THEM4: variants seen among roughly 807,000 people sequenced by gnomAD.
THEM4 encodes acyl-coenzyme A thioesterase THEM4.
THEM4 carries 22 observed loss-of-function variants against 25.0 expected under a neutral mutation model. The ratio of observed to expected loss-of-function variants is 0.88; its 90% CI spans 0.63 to 1.26. THEM4 has a LOEUF of 1.26. THEM4 is among the 50% of genes most tolerant of loss of function. The pLI is 0.00. For missense variants in THEM4, 286 were observed against 300.3 expected (o/e 0.95, Z 0.35); for synonymous variants, 113 against 105.6 (o/e 1.07, Z -0.43).
In THEM4 at chr1:151,873,676, G is replaced by T. The variant is rs1457435606; in HGVS notation, c.*1212C>A. On this transcript the variant is annotated 3_prime_UTR_variant, in exon 6 of 6. Transcript: ENST00000368814. Reference sequence around the variant, plus strand: ...TCATTCAGGTGGGTCCATTATGACTGGTTTCCTTATAAAAAGAGGAGACTT... The same window carrying T: ...TCATTCAGGTGGGTCCATTATGACTTGTTTCCTTATAAAAAGAGGAGACTT... 1 of 152,192 alleles carries T rather than the reference G, an allele frequency of 6.6e-6. No homozygotes were observed. Among genetic ancestry groups the T allele is most frequent in the Non-Finnish European group, 1.5e-5 (1 of 68,052 alleles). 9.4% of individuals were successfully genotyped at this position (152,192 alleles called of 1,614,324 possible). A position where few individuals can be genotyped will look rare whatever the true frequency, so the allele number is the denominator to read the frequency against.
intron 1 of THEM4, among the ~76,000 whole-genome samples, chr1:151,905,780 T>A (rs1047761366): frequency 6.6e-6 from 1 of 152,246 alleles, no homozygotes; most frequent in African/African-American, 2.4e-5. Context: ...AACTAGTAAC[T>A]TCAAGTATTC....
chr1:151,894,718 G>T lies in THEM4; in HGVS notation c.286+290C>A, dbSNP rs967093837. ...TGAGATTAGATGACAGCCTCAAGAC[G>T]GAGAGGTGATGAGGTTGTAGGAGGG... On this transcript the variant is annotated intron_variant, in intron 2 of 5. Transcript: ENST00000368814. The T allele has an allele frequency of 5.4e-6, 3 of 560,346 alleles. No individual in the cohort carries two copies. In the East Asian group the frequency reaches 9.0e-5, roughly 17 times the overall value. The allele number at this position is 560,346 out of a possible 1,614,324, so 34.7% of individuals were successfully genotyped here.
chr1:151,905,508 A>C (rs1318314271), intron 1 of THEM4, among the ~76,000 whole-genome samples: 2 of 152,138 alleles, frequency 1.3e-5, no homozygotes, highest in African/African-American at 4.8e-5. Flanking sequence ...AAGCAAAATA[A>C]AATTTAAAAA....
rs11371460 is a variant in THEM4, at chr1:151,884,687, G to GTT, written c.557+3584_557+3585dup. ...ATTACACTTTCATTTCCTTTTTTTT[G>GTT]TTTTTTTTTTGTTTTTTTTGAGATG... On this transcript the variant is annotated intron_variant, in intron 4 of 5. Transcript: ENST00000368814. Among the ~76,000 whole-genome samples the GTT allele has an allele frequency of 3.4e-3, 491 of 146,086 alleles. 1 individual carries two copies. The highest frequency in any genetic ancestry group is 5.2e-3 in the East Asian group (26 of 5,012).
intron 1 of THEM4, among the ~76,000 whole-genome samples, chr1:151,908,370 C>A (rs949758516): frequency 6.6e-6 from 1 of 152,168 alleles, no homozygotes; most frequent in Non-Finnish European, 1.5e-5. Context: ...GGCCTGTAAC[C>A]CCATTGCATA....
intron 1 of THEM4, among the ~76,000 whole-genome samples, chr1:151,907,640 C>A (rs1204889377): frequency 1.3e-5 from 2 of 152,188 alleles, no homozygotes; most frequent in Middle Eastern, 3.2e-3. Context: ...CTCCAGTCCT[C>A]CTTCATTCCT....
At chr1:151,885,904 A>G (rs1198251657) in intron 4 of THEM4, among the ~76,000 whole-genome samples, 1 of 152,246 alleles carries the variant, frequency 6.6e-6, no homozygotes, top group African/African-American at 2.4e-5. Flanking sequence ...ATTATTTTCA[A>G]TTAAAATATA....
At chr1:151,894,978 A>C (rs1361170449) in intron 2 of THEM4, 30 bp downstream of exon 2, 4 of 1,605,578 alleles carry the variant, frequency 2.5e-6, no homozygotes, top group Non-Finnish European at 3.4e-6. Flanking sequence ...TGATGCTCAG[A>C]TATATTAATG....
At chr1:151,907,660 G>A (rs1312475597) in intron 1 of THEM4, among the ~76,000 whole-genome samples, 1 of 152,204 alleles carries the variant, frequency 6.6e-6, no homozygotes, top group Non-Finnish European at 1.5e-5. Context: ...TGCAACAGAA[G>A]GATGAGTGAA....
At chr1:151,881,921 A>G (rs984751686) in intron 4 of THEM4, among the ~76,000 whole-genome samples, 12 of 151,498 alleles carry the variant, frequency 7.9e-5, no homozygotes, top group Admixed American at 6.6e-4. Context: ...TCTTTATTCT[A>G]TTTTTCTAGG....
intron 1 of THEM4, among the ~76,000 whole-genome samples, chr1:151,907,672 T>C (rs1654501450): frequency 6.6e-6 from 1 of 152,170 alleles, no homozygotes; most frequent in African/African-American, 2.4e-5. Context: ...ATGAGTGAAA[T>C]GGGGACTCAA....
chr1:151,906,166 C>T (rs1054509762), intron 1 of THEM4, among the ~76,000 whole-genome samples: 22 of 152,232 alleles, frequency 1.4e-4, no homozygotes, highest in South Asian at 2.1e-4. Flanking sequence ...CAGGGCTGCG[C>T]GGGGTGCTTG....
rs1279587664 is a variant in THEM4 at position 151,871,973 on chromosome 1, G to C, written c.*2915C>G. Among the ~76,000 whole-genome samples the C allele has an allele frequency of 2.6e-5, 4 of 152,206 alleles. No individual in the cohort carries two copies. The highest frequency in any genetic ancestry group is 5.9e-5 in the Non-Finnish European group (4 of 68,040). Reference sequence around the variant, plus strand: ...TTTTAACATGTGAAATATAATTATTGTAAGAGTCCACTCTCTTAAGTTTCA... The same window carrying C: ...TTTTAACATGTGAAATATAATTATTCTAAGAGTCCACTCTCTTAAGTTTCA... On this transcript the variant is annotated 3_prime_UTR_variant, in exon 6 of 6. Coordinates refer to ENST00000368814, the MANE Select transcript of THEM4 (RefSeq NM_053055.5).
Position 151,888,253 on chromosome 1 carries a change from G to A in THEM4, c.557+20C>T. 6.3e-7 allele frequency: 1 copy of A among 1,588,156 alleles called. No individual in the cohort carries two copies. Among genetic ancestry groups the A allele is most frequent in the Middle Eastern group, 1.9e-4 (1 of 5,150 alleles). On this transcript the variant is annotated intron_variant, in intron 4 of 5. Coordinates refer to ENST00000368814, the MANE Select transcript of THEM4 (RefSeq NM_053055.5). ...ACTTAACAACACCTAAGGATAAATA[G>A]AGAATTACTGTGAATTTACCTTTTA...
At chr1:151,889,041 A>G (rs1654031365) in intron 3 of THEM4, among the ~76,000 whole-genome samples, 173 bp downstream of exon 3, 1 of 151,906 alleles carries the variant, frequency 6.6e-6, no homozygotes, top group Non-Finnish European at 1.5e-5. Context: ...AATCAATATT[A>G]ATAATATAGA....
At chr1:151,889,467 C>T (rs1023628521) in intron 2 of THEM4, 94 bp from the exon 3 acceptor site, 5 of 1,266,856 alleles carry the variant, frequency 3.9e-6, no homozygotes, top group Admixed American at 4.6e-5. Context: ...AATCACATGT[C>T]AATAGATGAT....
At position 151,877,950 on chromosome 1, in the gene THEM4, C is replaced by A. The variant is rs1348382388; in HGVS notation, c.558-825G>T. Reference sequence around the variant, plus strand: ...TGGTACTACCAAGCAGATGATGGAACTACCCCAGGTAGAAAGGAAGTTATC... The same window carrying A: ...TGGTACTACCAAGCAGATGATGGAAATACCCCAGGTAGAAAGGAAGTTATC... On this transcript the variant is annotated intron_variant, in intron 4 of 5. Transcript: ENST00000368814. Among the ~76,000 whole-genome samples the A allele has an allele frequency of 1.3e-5, 2 of 152,104 alleles. 1 individual carries two copies. The highest frequency in any genetic ancestry group is 2.9e-5 in the Non-Finnish European group (2 of 68,014).
intron 1 of THEM4, among the ~76,000 whole-genome samples, chr1:151,908,084 A>G (rs904451496): frequency 6.6e-6 from 1 of 152,222 alleles, no homozygotes; most frequent in South Asian, 2.1e-4. Flanking sequence ...CCATTTGCAT[A>G]GGAATAAGAG....
intron 1 of THEM4, among the ~76,000 whole-genome samples, chr1:151,907,058 A>C (rs1046652161): frequency 2.6e-5 from 4 of 151,756 alleles, no homozygotes; most frequent in Admixed American, 2.6e-4. Context: ...CTTTGGGTCC[A>C]CACTGCCTTT....
Sources: gnomAD v4.1 joint callset for allele counts (sites outside exome capture counted in the v4.1 genomes callset) on GRCh38, gnomAD v4.1.1 for gene constraint, MANE v1.5 for transcripts, NCBI Gene and HGNC (gene_info 2026-07-23, HGNC 2026-07-21) for gene names.